The following FBRSL1 variants were observed in gnomAD, a reference collection of about 807,000 sequenced individuals.
FBRSL1 encodes fibrosin-1-like protein.
A neutral mutation model predicts 89.6 loss-of-function variants in FBRSL1; 51 were observed. The ratio of observed to expected loss-of-function variants is 0.57; its 90% CI spans 0.45 to 0.72. The LOEUF (loss-of-function observed/expected upper bound fraction) is 0.72. FBRSL1 is among the 30% of genes least tolerant of loss of function. The pLI is 0.00. For synonymous variants in FBRSL1, 779 were observed against 681.1 expected (o/e 1.14, Z -2.24); for missense variants, 1,618 against 1,451.8 (o/e 1.11, Z -1.86).
chr12:132,581,883 T>TGTCCTCTGCAGGAACCCCGATGCCTGG, intron 17 of FBRSL1, 59 bp downstream of exon 17: 1 of 1,420,100 alleles, frequency 7.0e-7, no homozygotes, highest in South Asian at 1.4e-5. Context: ...CCCATGCCTG[T>TGTCCTCTGCAGGAACCCCGATGCCTGG]GTCCTCTGCA....
intron 5 of FBRSL1, among the ~76,000 whole-genome samples, chr12:132,563,863 C>T (rs1236003372): frequency 1.2e-5 from 1 of 82,442 alleles, no homozygotes; most frequent in Non-Finnish European, 2.1e-5. Flanking sequence ...CACATACCTA[C>T]GACTGTACAC....
chr12:132,493,280 C>T (rs565368733), intron 1 of FBRSL1, among the ~76,000 whole-genome samples: 22 of 152,356 alleles, frequency 1.4e-4, no homozygotes, highest in African/African-American at 4.1e-4. Context: ...TGCCCCCACC[C>T]GCGTCTTGAG....
intron 4 of FBRSL1, among the ~76,000 whole-genome samples, chr12:132,539,219 G>C (rs1030447868): frequency 6.6e-6 from 1 of 152,062 alleles, no homozygotes; most frequent in East Asian, 1.9e-4. Flanking sequence ...CCTGGGGAGC[G>C]GGCGGAGAGT....
intron 2 of FBRSL1, chr12:132,510,654 T>C: frequency 3.3e-6 from 4 of 1,229,582 alleles, no homozygotes; most frequent in Non-Finnish European, 4.1e-6. Context: ...AGTGCCACGA[T>C]CAGGCTGAGG....
At chr12:132,577,409 A>G (rs565055889) in intron 15 of FBRSL1, among the ~76,000 whole-genome samples, 10 of 152,198 alleles carry the variant, frequency 6.6e-5, no homozygotes, top group African/African-American at 2.2e-4. Flanking sequence ...CTCGCTGAAC[A>G]GTAGGAAGCT....
intron 4 of FBRSL1, among the ~76,000 whole-genome samples, chr12:132,533,970 C>A (rs774459900): frequency 4.6e-5 from 7 of 152,164 alleles, no homozygotes; most frequent in Non-Finnish European, 4.4e-5. Context: ...GGGTGGGTGC[C>A]ACTGTGGGAG....
rs185613664 is a variant in FBRSL1, at chr12:132,523,758, G to A, written c.490-1976G>A. 1.8e-3 allele frequency among the ~76,000 whole-genome samples: 273 copies of A among 152,322 alleles called. 1 individual carries two copies. The highest frequency in any genetic ancestry group is 6.0e-3 in the African/African-American group (249 of 41,570). Reference sequence around the variant, plus strand: ...ACTCCCCAGGGGGCCGGTGATACACGGTTCCTGGAGCGGGCTGGAAACTCA... The same window carrying A: ...ACTCCCCAGGGGGCCGGTGATACACAGTTCCTGGAGCGGGCTGGAAACTCA... On this transcript the variant is annotated intron_variant, in intron 2 of 18. Transcript: ENST00000680143.
rs892820045 is a variant in FBRSL1 at position 132,534,418 on chromosome 12, C to T, written c.615+6430C>T. Among the ~76,000 whole-genome samples, 15 of 152,210 alleles carry T rather than the reference C, an allele frequency of 9.9e-5. 1 individual carries two copies. Among genetic ancestry groups the T allele is most frequent in the Admixed American group, 9.2e-4 (14 of 15,288 alleles). ...GAGACCTCGCCTCCATCTGCAGATGCGGAAGCCGAGGCCCAGGCATCAGCT... is the reference window on the plus strand; with the variant it reads ...GAGACCTCGCCTCCATCTGCAGATGTGGAAGCCGAGGCCCAGGCATCAGCT... On this transcript the variant is annotated intron_variant, in intron 4 of 18. Transcript: ENST00000680143.
chr12:132,560,028 G>T (rs977620613), intron 5 of FBRSL1: 4 of 149,662 alleles, frequency 2.7e-5, no homozygotes, highest in African/African-American at 9.7e-5. Flanking sequence ...GGAGCCCAGA[G>T]CGCACCGAGC....
intron 14 of FBRSL1, among the ~76,000 whole-genome samples, chr12:132,575,553 A>G (rs1449471209): frequency 6.6e-6 from 1 of 152,232 alleles, no homozygotes; most frequent in African/African-American, 2.4e-5. Flanking sequence ...TTATACTTGC[A>G]TGTCTGGGTG....
intron 1 of FBRSL1, among the ~76,000 whole-genome samples, chr12:132,492,856 G>A (rs948653016): frequency 2.0e-5 from 3 of 152,230 alleles, no homozygotes; most frequent in Non-Finnish European, 4.4e-5. Context: ...TCATAACCTC[G>A]TGATCATCCC....
At position 132,574,659 on chromosome 12, in the gene FBRSL1, G is replaced by C. The variant is rs752003475; in HGVS notation, c.1701+95G>C. The C allele has an allele frequency of 3.6e-6, 5 of 1,407,698 alleles. No homozygotes were observed. In the African/African-American group the frequency reaches 5.7e-5, roughly 16 times the overall value. 87.2% of individuals were successfully genotyped at this position (1,407,698 alleles called of 1,614,324 possible). ...GGCATGAGGCTGTGTGTGTTCACAC[G>C]CGTGTGCACGGGTGTGATCCTCACG... is the stretch of plus-strand genomic sequence containing the variant. On this transcript the variant is annotated intron_variant, in intron 14 of 18. Coordinates refer to ENST00000680143, the MANE Select transcript of FBRSL1 (RefSeq NM_001367871.1).
intron 2 of FBRSL1, chr12:132,509,375 G>A (rs973348280): frequency 1.0e-4 from 129 of 1,243,332 alleles, no homozygotes; most frequent in Non-Finnish European, 1.2e-4. Context: ...GGTCACTTCT[G>A]GGCCTGAAAC....
intron 4 of FBRSL1, among the ~76,000 whole-genome samples, chr12:132,536,986 C>T (rs1163090444): frequency 1.3e-5 from 2 of 152,152 alleles, no homozygotes; most frequent in African/African-American, 4.8e-5. Flanking sequence ...AGGGGCTCTG[C>T]AGGCACTCGG....
intron 5 of FBRSL1, among the ~76,000 whole-genome samples, chr12:132,558,022 T>C (rs1025092291): frequency 2.0e-5 from 3 of 149,716 alleles, no homozygotes; most frequent in Admixed American, 6.6e-5. Flanking sequence ...CTGTCTTCTC[T>C]CCTCCCCTCC....
chr12:132,543,816 G>A (rs531818176), intron 4 of FBRSL1, among the ~76,000 whole-genome samples: 2 of 152,348 alleles, frequency 1.3e-5, no homozygotes, highest in South Asian at 2.1e-4. Context: ...GGACGAAACC[G>A]GTGCCTGTGC....
In FBRSL1 at chr12:132,490,799, C is replaced by T; in HGVS notation, c.229C>T (p.Gln77Ter). The stretch of plus-strand genomic sequence containing the variant: ...CCGCCGCCGCCGCGAGTCCAGCTCG[C>T]AGGAGGAGGAGGTCATCGACGGCTT... ...PRRRRRESSS[Q>*]EEEVIDGFAI... Residue 77 changes from glutamine to a stop codon, truncating the protein, a stop_gained, in exon 1 of 19, where the codon CAG (glutamine) becomes TAG (stop). Transcript: ENST00000680143. LOFTEE classifies it high-confidence loss of function. The T allele has an allele frequency of 1.5e-6, 2 of 1,340,388 alleles. No individual in the cohort carries two copies. Among genetic ancestry groups the T allele is most frequent in the Non-Finnish European group, 9.6e-7 (1 of 1,042,428 alleles). The allele number at this position is 1,340,388 out of a possible 1,614,324, so 83.0% of individuals were successfully genotyped here. A position where few individuals can be genotyped will look rare whatever the true frequency, so the allele number is the denominator to read the frequency against.
At position 132,546,803 on chromosome 12, in the gene FBRSL1, G is replaced by A. The variant is rs1393846199; in HGVS notation, c.616-1200G>A. 3.9e-5 allele frequency among the ~76,000 whole-genome samples: 6 copies of A among 152,234 alleles called. No individual in the cohort carries two copies. The highest frequency in any genetic ancestry group is 7.2e-5 in the African/African-American group (3 of 41,458). Reference sequence around the variant, plus strand: ...CCACCTGGAGTGTGACTCGTCATGCGCTGGGAGCAGCACGTTCTCGCTGCA... The same window carrying A: ...CCACCTGGAGTGTGACTCGTCATGCACTGGGAGCAGCACGTTCTCGCTGCA... On this transcript the variant is annotated intron_variant, in intron 4 of 18. Transcript: ENST00000680143. This position sits in a 1 kb window ranked among gnomAD's most constrained non-coding sequence, Gnocchi z 4.0.
chr12:132,567,485 C>T lies in FBRSL1; in HGVS notation c.650C>T (p.Ser217Phe). Residue 217 changes from serine to phenylalanine, a missense_variant, in exon 6 of 19, where the codon TCC becomes TTC. Coordinates refer to ENST00000680143, the MANE Select transcript of FBRSL1 (RefSeq NM_001367871.1). ...DSESGPDDKA[S>F]VGSEKLFAPG... ...ACCCCCCTTCTCTCTCTCCAGGCAT[C>T]CGTGGGCTCTGAGAAGCTCTTTGCG... The T allele has an allele frequency of 6.4e-7, 1 of 1,551,162 alleles. No homozygotes were observed. Among genetic ancestry groups the T allele is most frequent in the Non-Finnish European group, 8.7e-7 (1 of 1,146,902 alleles).
Sources: allele counts gnomAD v4.1 joint callset (sites outside exome capture counted in the v4.1 genomes callset), GRCh38; gene constraint gnomAD v4.1.1; non-coding constraint Gnocchi (gnomAD v3.1); transcripts MANE v1.5; gene names NCBI Gene and HGNC (gene_info 2026-07-23, HGNC 2026-07-21).